Variants in MYO9A observed in about 807,000 individuals in gnomAD.
MYO9A encodes the protein unconventional myosin-IXa.
MYO9A carries 103 observed loss-of-function variants against 293.3 expected under a neutral mutation model. The observed-to-expected ratio is 0.35, with a 90% CI of 0.30 to 0.41. The LOEUF (loss-of-function observed/expected upper bound fraction) is 0.41. MYO9A is among the 10% of genes least tolerant of loss of function. The pLI, the probability that MYO9A is intolerant of heterozygous loss-of-function variation, is 1.00. For synonymous variants in MYO9A, 1,001 were observed against 1,035.7 expected, an observed-to-expected ratio of 0.97 and a Z score of 0.64; for missense variants, 2,685 against 3,033.0, an observed-to-expected ratio of 0.89 and a Z score of 2.69.
intron 18 of MYO9A, among the ~76,000 whole-genome samples, chr15:71,918,205 G>A (rs1001707777): frequency 6.6e-6 from 1 of 152,074 alleles, no homozygotes; most frequent in Non-Finnish European, 1.5e-5. Context: ...ATGAGGTGGT[G>A]GGGAAACAGA....
chr15:71,885,014 T>C (rs1027319496), intron 27 of MYO9A, among the ~76,000 whole-genome samples: 3 of 151,402 alleles, frequency 2.0e-5, no homozygotes, highest in African/African-American at 7.3e-5. Context: ...TATTTATACA[T>C]TAAAAAGAGA....
In MYO9A at chr15:71,826,448, T is replaced by G. The variant is rs1322680672; in HGVS notation, c.*132A>C. Reference sequence around the variant, plus strand: ...GCCCAGGAATTCAGCACATACAGTCTTAGCCATATGCTTAGAAAAGAGGCA... The same window carrying G: ...GCCCAGGAATTCAGCACATACAGTCGTAGCCATATGCTTAGAAAAGAGGCA... On this transcript the variant is annotated 3_prime_UTR_variant, in exon 42 of 42. Transcript: ENST00000356056. 16 of 890,582 alleles carry G rather than the reference T, an allele frequency of 1.8e-5. No homozygotes were observed. The highest frequency in any genetic ancestry group is 2.5e-5 in the Non-Finnish European group (15 of 594,918). The allele number at this position is 890,582 out of a possible 1,614,324, so 55.2% of individuals were successfully genotyped here.
intron 1 of MYO9A, among the ~76,000 whole-genome samples, chr15:72,105,033 G>C (rs942283775): frequency 2.0e-5 from 3 of 152,064 alleles, no homozygotes; most frequent in African/African-American, 7.2e-5. Flanking sequence ...GTGAAATAAA[G>C]CAGGCAAATC....
intron 15 of MYO9A, among the ~76,000 whole-genome samples, chr15:71,948,031 C>T (rs1036568982): frequency 2.6e-5 from 4 of 152,020 alleles, no homozygotes; most frequent in Non-Finnish European, 5.9e-5. Flanking sequence ...GGCGAGAGCA[C>T]CAGAAAGAAA....
At chr15:72,115,691 C>T (rs1271422013) in intron 1 of MYO9A, among the ~76,000 whole-genome samples, 1 of 152,142 alleles carries the variant, frequency 6.6e-6, no homozygotes, top group Non-Finnish European at 1.5e-5. Flanking sequence ...CTTTAAAATC[C>T]TTCAATAATT....
At chr15:72,050,575 C>G (rs2149773367) in intron 1 of MYO9A, among the ~76,000 whole-genome samples, 1 of 152,092 alleles carries the variant, frequency 6.6e-6, no homozygotes, top group South Asian at 2.1e-4. Flanking sequence ...CCACTGCACT[C>G]CAGCCTGGGT....
At chr15:72,090,737 C>A (rs568548161) in intron 1 of MYO9A, among the ~76,000 whole-genome samples, 11 of 152,124 alleles carry the variant, frequency 7.2e-5, no homozygotes, top group Non-Finnish European at 1.3e-4. Context: ...CCTACCATTA[C>A]ACTTACTAGC....
chr15:71,858,207 C>G (rs998013248), intron 34 of MYO9A, among the ~76,000 whole-genome samples: 1 of 152,168 alleles, frequency 6.6e-6, no homozygotes, highest in Admixed American at 6.5e-5. Context: ...GGTGATTCCT[C>G]AAGGATCTAC....
intron 1 of MYO9A, among the ~76,000 whole-genome samples, chr15:72,079,629 G>A (rs879729091): frequency 1.9e-4 from 29 of 152,096 alleles, no homozygotes; most frequent in Non-Finnish European, 2.8e-4. Flanking sequence ...ACTAGGAAAC[G>A]AACACTATGG....
At chr15:72,110,944 G>C (rs2080758681) in intron 1 of MYO9A, among the ~76,000 whole-genome samples, 1 of 152,084 alleles carries the variant, frequency 6.6e-6, no homozygotes, top group African/African-American at 2.4e-5. Flanking sequence ...CGGATCACAA[G>C]GTCAGGAGAT....
Position 72,050,606 on chromosome 15 carries a change from CTAAATAAA to C in MYO9A, c.-71-3980_-71-3973del, listed in dbSNP as rs529684715. 8.9e-3 allele frequency among the ~76,000 whole-genome samples: 1,348 copies of C among 151,824 alleles called. 24 individuals are homozygous for C. Among genetic ancestry groups the C allele is most frequent in the African/African-American group, 0.031 (1,285 of 41,350 alleles). ...TGGGTGACAGAGCAAGACTCCGTCT[CTAAATAAA>C]TAAATAAATAAATAAACAAACAAAC... On this transcript the variant is annotated intron_variant, in intron 1 of 41. Transcript: ENST00000356056.
intron 9 of MYO9A, among the ~76,000 whole-genome samples, chr15:71,997,980 C>G (rs192288737): frequency 6.6e-5 from 10 of 152,180 alleles, no homozygotes; most frequent in Non-Finnish European, 1.5e-4. Flanking sequence ...GGCATATATC[C>G]AAAGGAATAG....
Position 71,849,009 on chromosome 15 carries a change from A to C in MYO9A, c.6714-41T>G. 4 of 1,534,276 alleles carry C rather than the reference A, an allele frequency of 2.6e-6. No individual in the cohort carries two copies. The South Asian group carries it at 3.9e-5, about 15-fold the overall frequency. On this transcript the variant is annotated intron_variant, in intron 38 of 41. Transcript: ENST00000356056. The stretch of plus-strand genomic sequence containing the variant: ...AGAGAAAAAAACTGTTAAGAGGTGA[A>C]GTAAATAAAGTATAGCACTCACAGA...
intron 1 of MYO9A, among the ~76,000 whole-genome samples, chr15:72,085,438 T>C (rs2079688127): frequency 1.3e-5 from 2 of 152,106 alleles, no homozygotes; most frequent in South Asian, 2.1e-4. Context: ...AGCTGCATTA[T>C]GGAATTCTTG....
chr15:71,865,814 T>C (rs2056304191), intron 32 of MYO9A, among the ~76,000 whole-genome samples: 1 of 152,224 alleles, frequency 6.6e-6, no homozygotes, highest in South Asian at 2.1e-4. Context: ...TAAATTTTGT[T>C]ATATGAATTT....
chr15:71,925,592 C>T (rs1738914814), intron 18 of MYO9A, among the ~76,000 whole-genome samples: 2 of 151,572 alleles, frequency 1.3e-5, no homozygotes, highest in Non-Finnish European at 2.9e-5. Flanking sequence ...ATGGGGCTTA[C>T]ATTTTAAAAT....
At chr15:71,910,325 C>T (rs1245955205) in intron 19 of MYO9A, among the ~76,000 whole-genome samples, 1 of 151,298 alleles carries the variant, frequency 6.6e-6, no homozygotes, top group Non-Finnish European at 1.5e-5. Context: ...TTAATTTTAC[C>T]TACTATTAAA....
At chr15:72,089,215 T>C (rs935971731) in intron 1 of MYO9A, among the ~76,000 whole-genome samples, 1 of 152,154 alleles carries the variant, frequency 6.6e-6, no homozygotes, top group Non-Finnish European at 1.5e-5. Context: ...CAGACTACAG[T>C]GCAATGTCTT....
chr15:71,859,292 T>C (rs572682579), intron 34 of MYO9A, among the ~76,000 whole-genome samples: 2 of 152,364 alleles, frequency 1.3e-5, no homozygotes, highest in East Asian at 3.9e-4. Context: ...GTGTACAGTA[T>C]ATTTTAGATC....
Sources: gnomAD v4.1 joint callset for allele counts (sites outside exome capture counted in the v4.1 genomes callset) on GRCh38, gnomAD v4.1.1 for gene constraint, MANE v1.5 for transcripts, NCBI Gene and HGNC (gene_info 2026-07-23, HGNC 2026-07-21) for gene names.